The following RBM27 variants were observed in gnomAD, a reference collection of about 807,000 sequenced individuals.
The protein encoded by RBM27 is RNA-binding protein 27.
In RBM27, 22 loss-of-function variants were observed where a neutral mutation model predicts 135.3. That is an observed-to-expected ratio of 0.16 (90% CI 0.12 to 0.23). RBM27 has a LOEUF of 0.23. Ranked by LOEUF, RBM27 falls within the 10% of genes least tolerant of loss-of-function variation. RBM27 has a pLI of 1.00. For synonymous variants in RBM27, 481 were observed against 442.4 expected (o/e 1.09, Z -1.10); for missense variants, 1,009 against 1,281.0 (o/e 0.79, Z 3.24).
intron 4 of RBM27, among the ~76,000 whole-genome samples, chr5:146,229,387 G>C (rs930417976): frequency 6.6e-6 from 1 of 151,996 alleles, no homozygotes; most frequent in African/African-American, 2.4e-5. Flanking sequence ...TGAATCATCA[G>C]CCTAACATCA....
chr5:146,229,897 A>C lies in RBM27; in HGVS notation c.576A>C (p.Pro192=). The change falls in exon 5 of 21, where the codon CCA becomes CCC. Residue 192 remains proline, a synonymous_variant. Transcript: ENST00000265271. ...RSRGRSKDRD[P]NRNVEHRERS... ...GGGGGCGCAGCAAAGACCGGGATCCAAATAGGAATGTTGGTGAGTAGATGA... is the reference window on the plus strand; with the variant it reads ...GGGGGCGCAGCAAAGACCGGGATCCCAATAGGAATGTTGGTGAGTAGATGA... 1 of 1,613,910 alleles carries C rather than the reference A, an allele frequency of 6.2e-7. No homozygotes were observed. Among genetic ancestry groups the C allele is most frequent in the Non-Finnish European group, 8.5e-7 (1 of 1,179,860 alleles).
At chr5:146,230,602 G>T (rs1158194430) in intron 5 of RBM27, 55 bp from the exon 6 acceptor site, 2 of 1,548,434 alleles carry the variant, frequency 1.3e-6, no homozygotes, top group South Asian at 1.2e-5. Flanking sequence ...TATAGTTTAA[G>T]AACATGAAAT....
chr5:146,260,658 A>G (rs1758356819), intron 11 of RBM27, 87 bp from the exon 12 acceptor site: 5 of 1,236,894 alleles, frequency 4.0e-6, no homozygotes, highest in Non-Finnish European at 4.4e-6. Context: ...ACTTAAAAAA[A>G]TTATAAACCT....
chr5:146,255,212 C>A, intron 10 of RBM27, 120 bp downstream of exon 10: 1 of 805,988 alleles, frequency 1.2e-6, no homozygotes, highest in Non-Finnish European at 1.8e-6. Flanking sequence ...TATATATTAT[C>A]TCTTTGGAGG....
chr5:146,276,289 A>G (rs1759090047), intron 19 of RBM27, among the ~76,000 whole-genome samples: 1 of 152,156 alleles, frequency 6.6e-6, no homozygotes, highest in Admixed American at 6.6e-5. Flanking sequence ...AGGGTATGAA[A>G]TTGCATACGA....
At chr5:146,256,647 C>T (rs1000329288) in intron 10 of RBM27, among the ~76,000 whole-genome samples, 1 of 152,120 alleles carries the variant, frequency 6.6e-6, no homozygotes, top group Non-Finnish European at 1.5e-5. Flanking sequence ...AGCCACTGCA[C>T]CCAGCCTCAT....
chr5:146,277,165 G>A (rs926793967), intron 19 of RBM27, among the ~76,000 whole-genome samples: 31 of 152,074 alleles, frequency 2.0e-4, no homozygotes, highest in African/African-American at 7.5e-4. Flanking sequence ...GGTAGTTACT[G>A]CTTTTAGAAC....
intron 14 of RBM27, among the ~76,000 whole-genome samples, chr5:146,266,868 G>A (rs756426341): frequency 6.6e-6 from 1 of 152,088 alleles, no homozygotes; most frequent in Non-Finnish European, 1.5e-5. Context: ...AGATTGAGGC[G>A]CAGCAAGCCG....
intron 14 of RBM27, among the ~76,000 whole-genome samples, chr5:146,265,847 G>A (rs190711752): frequency 1.3e-5 from 2 of 152,206 alleles, no homozygotes; most frequent in African/African-American, 4.8e-5. Context: ...AGAGATAGAA[G>A]ATAGATAAGA....
rs57117642 is a variant in RBM27, at chr5:146,211,464, CTTTTTTT to C, written c.60-7497_60-7491del. Among the ~76,000 whole-genome samples the C allele has an allele frequency of 2.1e-3, 105 of 49,922 alleles. No individual in the cohort carries two copies. The Admixed American group carries it at 0.023, about 11-fold the overall frequency. The allele number at this position is 49,922 out of a possible 152,430, so 32.8% of individuals were successfully genotyped here. Reference sequence around the variant, plus strand: ...CTTACTTTGTCCAGTATGGTCTTATCTTTTTTTTTTTTTTTTTTTTTTTTTTTTTTAC... The same window carrying C: ...CTTACTTTGTCCAGTATGGTCTTATCTTTTTTTTTTTTTTTTTTTTTTTAC... On this transcript the variant is annotated intron_variant, in intron 1 of 20. Coordinates refer to ENST00000265271, the MANE Select transcript of RBM27 (RefSeq NM_018989.2).
chr5:146,220,711 T>G (rs1462661243), intron 2 of RBM27, among the ~76,000 whole-genome samples: 1 of 152,060 alleles, frequency 6.6e-6, no homozygotes, highest in Non-Finnish European at 1.5e-5. Context: ...AAAGCAATAC[T>G]GACAGAATTT....
chr5:146,204,507 T>C (rs1451939908), intron 1 of RBM27, among the ~76,000 whole-genome samples: 1 of 145,284 alleles, frequency 6.9e-6, no homozygotes, highest in Non-Finnish European at 1.5e-5. Flanking sequence ...TTGATAGTGC[T>C]AGGGGAACTG....
intron 8 of RBM27, among the ~76,000 whole-genome samples, chr5:146,237,769 C>T (rs1382119099): frequency 1.3e-5 from 2 of 152,164 alleles, no homozygotes; most frequent in Non-Finnish European, 2.9e-5. Context: ...CTCACTGCAA[C>T]CTCTGCTTTC....
At chr5:146,236,207 G>C (rs1442920930) in intron 7 of RBM27, among the ~76,000 whole-genome samples, 2 of 152,216 alleles carry the variant, frequency 1.3e-5, no homozygotes. Context: ...TAGGAAAGTT[G>C]AAGGACTTGT....
intron 8 of RBM27, 111 bp from the exon 9 acceptor site, chr5:146,251,600 C>A: frequency 9.9e-7 from 1 of 1,014,512 alleles, no homozygotes; most frequent in Non-Finnish European, 1.5e-6. Flanking sequence ...ACTTCTATTC[C>A]TGTTGGTTTA....
intron 17 of RBM27, among the ~76,000 whole-genome samples, chr5:146,269,828 C>T (rs1407541945): frequency 6.6e-6 from 1 of 150,430 alleles, no homozygotes; most frequent in Non-Finnish European, 1.5e-5. Context: ...CCACCTTGGC[C>T]TCCCAGAGTG....
At chr5:146,215,855 A>C (rs1756167420) in intron 1 of RBM27, among the ~76,000 whole-genome samples, 1 of 151,066 alleles carries the variant, frequency 6.6e-6, no homozygotes, top group Non-Finnish European at 1.5e-5. Context: ...GGTTCAAGTG[A>C]TTCTCCTGCC....
chr5:146,233,143 A>G (rs971149360), intron 6 of RBM27, among the ~76,000 whole-genome samples: 2 of 152,238 alleles, frequency 1.3e-5, no homozygotes, highest in Non-Finnish European at 2.9e-5. Flanking sequence ...TTTGTTTAAA[A>G]TATCTGAGTT....
chr5:146,211,464 CTTTTTTTTTTTTTTTTTTTT>C (rs57117642), intron 1 of RBM27, among the ~76,000 whole-genome samples: 1 of 49,904 alleles, frequency 2.0e-5, no homozygotes, highest in Non-Finnish European at 3.7e-5. Context: ...ATGGTCTTAT[CTTTTTTTTTTTTTTTTTTTT>C]TTTTTTTTTT....
Sources: allele counts gnomAD v4.1 joint callset (sites outside exome capture counted in the v4.1 genomes callset), GRCh38; gene constraint gnomAD v4.1.1; transcripts MANE v1.5; gene names NCBI Gene and HGNC (gene_info 2026-07-23, HGNC 2026-07-21).